The following ANTKMT variants were observed in gnomAD, a reference collection of about 807,000 sequenced individuals.
The protein encoded by ANTKMT is adenine nucleotide translocase lysine N-methyltransferase.
In ANTKMT, 24 loss-of-function variants were observed where a neutral mutation model predicts 20.7. The ratio of observed to expected loss-of-function variants is 1.16; its 90% CI spans 0.84 to 1.63. The LOEUF (loss-of-function observed/expected upper bound fraction) is 1.63. Among genes scored for constraint, ANTKMT ranks in the 40% most tolerant of loss-of-function variants. The pLI is 0.00. For missense variants in ANTKMT, 428 were observed against 334.8 expected (o/e 1.28, Z -2.17); for synonymous variants, 193 against 161.2 (o/e 1.20, Z -1.49).
Position 721,298 on chromosome 16 carries a change from G to C in ANTKMT, c.24G>C (p.Glu8Asp). 1.5e-6 allele frequency: 2 copies of C among 1,340,692 alleles called. No homozygotes were observed. Among genetic ancestry groups the C allele is most frequent in the Non-Finnish European group, 9.6e-7 (1 of 1,046,904 alleles). The allele number at this position is 1,340,692 out of a possible 1,614,324, so 83.0% of individuals were successfully genotyped here. A position where few individuals can be genotyped will look rare whatever the true frequency, so the allele number is the denominator to read the frequency against. Residue 8 changes from glutamate to aspartate, a missense_variant, in exon 1 of 5, where the codon GAG becomes GAC. Physicochemically the swap from Glu to Asp is conservative, Grantham distance 45. Coordinates refer to ENST00000569529, the MANE Select transcript of ANTKMT (RefSeq NM_023933.3). MEQDDPV[E>D]ALTELRERRL... ...CCATGGAGCAGGACGACCCGGTCGA[G>C]GCGCTGACGGAGCTGCGCGAGCGGC...
chr16:722,011 C>G, intron 3 of ANTKMT, 70 bp downstream of exon 3: 1 of 1,550,790 alleles, frequency 6.4e-7, no homozygotes, highest in Non-Finnish European at 8.7e-7. Context: ...GGCTGGGGGC[C>G]GGGACTCGGA....
In ANTKMT at chr16:722,295, G is replaced by A; in HGVS notation, c.460-14G>A. 6.2e-7 allele frequency: 1 copy of A among 1,605,808 alleles called. No homozygotes were observed. Among genetic ancestry groups the A allele is most frequent in the Non-Finnish European group, 8.5e-7 (1 of 1,176,948 alleles). ...CCGCCCCCGCCCCCTCTACTCTGCTGTTCTCTCCCTCAGCTCCCGCTGCTG... is the reference window on the plus strand; with the variant it reads ...CCGCCCCCGCCCCCTCTACTCTGCTATTCTCTCCCTCAGCTCCCGCTGCTG... On this transcript the variant is annotated splice_polypyrimidine_tract_variant and intron_variant, in intron 4 of 4. Coordinates refer to ENST00000569529, the MANE Select transcript of ANTKMT (RefSeq NM_023933.3).
At position 721,319 on chromosome 16, in the gene ANTKMT, G is replaced by T. The variant is rs2040220321; in HGVS notation, c.45G>T (p.Glu15Asp). The change falls in exon 1 of 5, where the codon GAG becomes GAT. Residue 15 changes from glutamate (E) to aspartate (D), a missense_variant. Transcript: ENST00000569529. ...DPVEALTELRERRLGALELLQ... is the reference protein window; with the variant it reads ...DPVEALTELRDRRLGALELLQ... ...TCGAGGCGCTGACGGAGCTGCGCGAGCGGCGGCTGGGCGCGCTGGAGCTGC... is the reference window on the plus strand; with the variant it reads ...TCGAGGCGCTGACGGAGCTGCGCGATCGGCGGCTGGGCGCGCTGGAGCTGC... 1 of 1,349,736 alleles carries T rather than the reference G, an allele frequency of 7.4e-7. No individual in the cohort carries two copies. The highest frequency in any genetic ancestry group is 9.5e-7 in the Non-Finnish European group (1 of 1,050,740). 83.6% of individuals were successfully genotyped at this position (1,349,736 alleles called of 1,614,324 possible).
rs1447802341 is a variant in ANTKMT, at chr16:721,414, G to A, written c.140G>A (p.Arg47Gln). 7.7e-6 allele frequency: 10 copies of A among 1,295,944 alleles called. No individual in the cohort carries two copies. Among genetic ancestry groups the A allele is most frequent in the African/African-American group, 1.6e-5 (1 of 64,238 alleles). 80.3% of individuals were successfully genotyped at this position (1,295,944 alleles called of 1,614,324 possible). A position where few individuals can be genotyped will look rare whatever the true frequency, so the allele number is the denominator to read the frequency against. Reference sequence around the variant, plus strand: ...GCGCTGCTGCTCCAGCCCGGCTTCCGGCGCGTGCCGCTGCGGCTGCAGGTG... The same window carrying A: ...GCGCTGCTGCTCCAGCCCGGCTTCCAGCGCGTGCCGCTGCGGCTGCAGGTG... ...VWALLLQPGF[R>Q]RVPLRLQVPY... is the part of the protein sequence containing the mutation. The change falls in exon 1 of 5, where the codon CGG becomes CAG. Residue 47 changes from arginine (R) to glutamine (Q), a missense_variant. Transcript: ENST00000569529.
In ANTKMT at chr16:721,882, C is replaced by G. The variant is rs775083357; in HGVS notation, c.349C>G (p.His117Asp). The part of the protein sequence containing the change: ...NPWLVALARL[H>D]AWRAGCAGSV... ...CTGGCTGGTGGCGCTGGCGCGGCTGCACGCCTGGAGGGCCGGCTGTGCCGG... is the reference window on the plus strand; with the variant it reads ...CTGGCTGGTGGCGCTGGCGCGGCTGGACGCCTGGAGGGCCGGCTGTGCCGG... Residue 117 changes from histidine to aspartate, a missense_variant, in exon 3 of 5, where the codon CAC (histidine) becomes GAC (aspartate). By Grantham distance (81) the His-to-Asp change is moderately conservative. Transcript: ENST00000569529. 2.0e-5 allele frequency: 31 copies of G among 1,570,132 alleles called. No homozygotes were observed. The South Asian group carries it at 3.3e-4, about 17-fold the overall frequency.
chr16:721,826 T>C lies in ANTKMT; in HGVS notation c.293T>C (p.Leu98Pro). The C allele has an allele frequency of 6.4e-7, 1 of 1,556,426 alleles. No individual in the cohort carries two copies. The highest frequency in any genetic ancestry group is 1.2e-5 in the South Asian group (1 of 85,218). The stretch of plus-strand genomic sequence containing the variant: ...GTGCTGGCGGCCCACAGGTGCGGCC[T>C]CCGCCCGGCCGTGGGCTACGAGCTG... Reference protein sequence around the residue: ...RIVLAAHRCGLRPAVGYELNP... With the variant: ...RIVLAAHRCGPRPAVGYELNP... The change falls in exon 3 of 5, where the codon CTC (leucine) becomes CCC (proline). Residue 98 changes from leucine (L) to proline (P), a missense_variant. Coordinates refer to ENST00000569529, the MANE Select transcript of ANTKMT (RefSeq NM_023933.3).
Position 722,120 on chromosome 16 carries a change from C to T in ANTKMT, c.445C>T (p.Leu149=). The T allele has an allele frequency of 6.2e-7, 1 of 1,609,202 alleles. No individual in the cohort carries two copies. The highest frequency in any genetic ancestry group is 8.5e-7 in the Non-Finnish European group (1 of 1,179,048). The change falls in exon 4 of 5, where the codon CTG becomes TTG. Residue 149 remains leucine (L), a synonymous_variant. Transcript: ENST00000569529. ...GGACTGCCGCAACGTGTCTGTGTTC[C>T]TGGCCCCTAGCGTGGTAGGTGCGGG... is the stretch of plus-strand genomic sequence containing the variant. ...LRDCRNVSVF[L]APSVLPLLED... is the part of the protein sequence containing the mutation.
chr16:721,596 A>G lies in ANTKMT; in HGVS notation c.163-2A>G, dbSNP rs2040231129. ...GTGGACTCTCGCCGCCACCCGGTCC[A>G]GGTGCCCTACGTCGGCGCGAGCGCG... On this transcript the variant is annotated splice_acceptor_variant, in intron 1 of 4. Transcript: ENST00000569529. LOFTEE classifies it high-confidence loss of function. 2 of 1,541,542 alleles carry G rather than the reference A, an allele frequency of 1.3e-6. No individual in the cohort carries two copies. The highest frequency in any genetic ancestry group is 5.0e-5 in the East Asian group (2 of 39,998).
At position 722,426 on chromosome 16, in the gene ANTKMT, C is replaced by G. The variant is rs770223082; in HGVS notation, c.577C>G (p.Arg193Gly). The change falls in exon 5 of 5, where the codon CGA (arginine) becomes GGA (glycine). Residue 193 changes from arginine (R) to glycine (G), a missense_variant. Coordinates refer to ENST00000569529, the MANE Select transcript of ANTKMT (RefSeq NM_023933.3). ...GACCGCGGTTGGCGAGGGCCTGGAC[C>G]GAGTATGGGCTTATGATGTTCCTGA... ...PVTAVGEGLDRVWAYDVPEGG... is the reference protein window; with the variant it reads ...PVTAVGEGLDGVWAYDVPEGG... 5 of 1,608,222 alleles carry G rather than the reference C, an allele frequency of 3.1e-6. No individual in the cohort carries two copies. The highest frequency in any genetic ancestry group is 1.3e-5 in the African/African-American group (1 of 74,822).
Position 722,432 on chromosome 16 carries a change from T to C in ANTKMT, c.583T>C (p.Trp195Arg). The change falls in exon 5 of 5, where the codon TGG becomes CGG. Residue 195 changes from tryptophan to arginine, a missense_variant. Trp to Arg is a moderately radical substitution (Grantham distance 101). Transcript: ENST00000569529. ...TAVGEGLDRV[W>R]AYDVPEGGQA... is the part of the protein sequence containing the mutation. ...GGTTGGCGAGGGCCTGGACCGAGTA[T>C]GGGCTTATGATGTTCCTGAGGGTGG... The C allele has an allele frequency of 6.2e-7, 1 of 1,609,806 alleles. No individual in the cohort carries two copies. The highest frequency in any genetic ancestry group is 8.5e-7 in the Non-Finnish European group (1 of 1,178,470).
Position 722,244 on chromosome 16 carries a change from G to T in ANTKMT, c.460-65G>T, listed in dbSNP as rs781055196. ...GGGTGCTAGGCTTGGGGCTAGGGGG[G>T]TGAGCGCGGCTGTTTTCTACCGGCC... On this transcript the variant is annotated intron_variant, in intron 4 of 4. Coordinates refer to ENST00000569529, the MANE Select transcript of ANTKMT (RefSeq NM_023933.3). 21 of 1,585,778 alleles carry T rather than the reference G, an allele frequency of 1.3e-5. No individual in the cohort carries two copies. The South Asian group carries it at 2.1e-4, about 16-fold the overall frequency.
In ANTKMT at chr16:722,553, G is replaced by A; in HGVS notation, c.704G>A (p.Ser235Asn). The change falls in exon 5 of 5, where the codon AGC (serine) becomes AAC (asparagine). Residue 235 changes from serine to asparagine, a missense_variant. Coordinates refer to ENST00000569529, the MANE Select transcript of ANTKMT (RefSeq NM_023933.3). ...CCGGGGGGCCTTATTTCTCAGGCCA[G>A]CTGAGTATTAGACACGATAAAGACT... ...PIPGGLISQAS is the reference protein window; with the variant it reads ...PIPGGLISQAN 4 of 1,605,488 alleles carry A rather than the reference G, an allele frequency of 2.5e-6. No individual in the cohort carries two copies. Among genetic ancestry groups the A allele is most frequent in the Non-Finnish European group, 3.4e-6 (4 of 1,177,632 alleles).
Position 721,208 on chromosome 16 carries a change from A to G in ANTKMT, c.-67A>G, listed in dbSNP as rs942897535. ...GAGGGCACACCGCCAGCCCCAGGCC[A>G]GGCTGCGAGGGCCGCGGACCCGAGC... On this transcript the variant is annotated 5_prime_UTR_variant, in exon 1 of 5. Transcript: ENST00000569529. 8.3e-7 allele frequency: 1 copy of G among 1,207,956 alleles called. No homozygotes were observed. The highest frequency in any genetic ancestry group is 1.0e-6 in the Non-Finnish European group (1 of 971,222). 74.8% of individuals were successfully genotyped at this position (1,207,956 alleles called of 1,614,324 possible). A position where few individuals can be genotyped will look rare whatever the true frequency, so the allele number is the denominator to read the frequency against.
Position 721,388 on chromosome 16 carries a change from G to A in ANTKMT, c.114G>A (p.Trp38Ter), listed in dbSNP as rs975997760. 5.4e-6 allele frequency: 7 copies of A among 1,305,278 alleles called. No individual in the cohort carries two copies. The African/African-American group carries it at 7.8e-5, about 14-fold the overall frequency. The allele number at this position is 1,305,278 out of a possible 1,614,324, so 80.9% of individuals were successfully genotyped here. A position where few individuals can be genotyped will look rare whatever the true frequency, so the allele number is the denominator to read the frequency against. ...AGSGLAAYAVWALLLQPGFRR... is the reference protein window; with the variant it reads ...AGSGLAAYAV ...CGGGCTTGGCAGCCTACGCGGTGTG[G>A]GCGCTGCTGCTCCAGCCCGGCTTCC... The change falls in exon 1 of 5, where the codon TGG (tryptophan) becomes TGA (stop). Residue 38 changes from tryptophan (W) to a stop codon, truncating the protein, a stop_gained. Transcript: ENST00000569529. LOFTEE classifies it high-confidence loss of function.
At position 721,694 on chromosome 16, in the gene ANTKMT, G is replaced by C; in HGVS notation, c.259G>C (p.Gly87Arg). ...GKTVDLGSGD[G>R]RIVLAAHRCG... The stretch of plus-strand genomic sequence containing the variant: ...AACGGTGGATCTGGGCTCTGGCGAC[G>C]GCAGGATCGTAAGTGCCTGCGTCTG... The change falls in exon 2 of 5, where the codon GGC (glycine) becomes CGC (arginine). Residue 87 changes from glycine (G) to arginine (R), a missense_variant. Coordinates refer to ENST00000569529, the MANE Select transcript of ANTKMT (RefSeq NM_023933.3). 1 of 1,549,610 alleles carries C rather than the reference G, an allele frequency of 6.5e-7. No individual in the cohort carries two copies.
Position 721,389 on chromosome 16 carries a change from G to T in ANTKMT, c.115G>T (p.Ala39Ser). 1 of 1,305,522 alleles carries T rather than the reference G, an allele frequency of 7.7e-7. No homozygotes were observed. Among genetic ancestry groups the T allele is most frequent in the African/African-American group, 1.5e-5 (1 of 64,532 alleles). 80.9% of individuals were successfully genotyped at this position (1,305,522 alleles called of 1,614,324 possible). ...GSGLAAYAVW[A>S]LLLQPGFRRV... ...GGGCTTGGCAGCCTACGCGGTGTGGGCGCTGCTGCTCCAGCCCGGCTTCCG... is the reference window on the plus strand; with the variant it reads ...GGGCTTGGCAGCCTACGCGGTGTGGTCGCTGCTGCTCCAGCCCGGCTTCCG... Residue 39 changes from alanine (A) to serine (S), a missense_variant, in exon 1 of 5, where the codon GCG (alanine) becomes TCG (serine). Physicochemically the swap from Ala to Ser is moderately conservative, Grantham distance 99. Transcript: ENST00000569529.
Position 721,620 on chromosome 16 carries a change from CG to C in ANTKMT, c.186del (p.Arg63GlyfsTer44). The C allele has an allele frequency of 6.5e-7, 1 of 1,545,128 alleles. No individual in the cohort carries two copies. The highest frequency in any genetic ancestry group is 8.7e-7 in the Non-Finnish European group (1 of 1,145,822). ...RLQVPYVGASARQVEHVLSLL... is the reference protein window; with the variant it reads ...RLQVPYVGASXRQVEHVLSLL... ...CAGGTGCCCTACGTCGGCGCGAGCGCGCGGCAGGTGGAGCACGTGTTGTCGC... is the reference window on the plus strand; with the variant it reads ...CAGGTGCCCTACGTCGGCGCGAGCGCCGGCAGGTGGAGCACGTGTTGTCGC... On this transcript the variant is annotated frameshift_variant, in exon 2 of 5. Transcript: ENST00000569529. LOFTEE classifies it high-confidence loss of function.
Position 721,324 on chromosome 16 carries a change from G to A in ANTKMT, c.50G>A (p.Arg17Gln), listed in dbSNP as rs959642142. ...VEALTELRER[R>Q]LGALELLQAA... ...GCGCTGACGGAGCTGCGCGAGCGGC[G>A]GCTGGGCGCGCTGGAGCTGCTGCAG... The change falls in exon 1 of 5, where the codon CGG becomes CAG. Residue 17 changes from arginine (R) to glutamine (Q), a missense_variant. Arg to Gln is a conservative substitution (Grantham distance 43). Transcript: ENST00000569529. The A allele has an allele frequency of 8.1e-6, 11 of 1,349,838 alleles. No homozygotes were observed. The highest frequency in any genetic ancestry group is 1.0e-5 in the Non-Finnish European group (11 of 1,050,658). 83.6% of individuals were successfully genotyped at this position (1,349,838 alleles called of 1,614,324 possible). A position where few individuals can be genotyped will look rare whatever the true frequency, so the allele number is the denominator to read the frequency against.
chr16:721,307 G>A lies in ANTKMT; in HGVS notation c.33G>A (p.Thr11=), dbSNP rs866432331. 1 of 1,345,038 alleles carries A rather than the reference G, an allele frequency of 7.4e-7. No homozygotes were observed. Among genetic ancestry groups the A allele is most frequent in the African/African-American group, 1.5e-5 (1 of 65,172 alleles). 83.3% of individuals were successfully genotyped at this position (1,345,038 alleles called of 1,614,324 possible). Residue 11 remains threonine (T), a synonymous_variant, in exon 1 of 5, where the codon ACG becomes ACA. Transcript: ENST00000569529. MEQDDPVEAL[T]ELRERRLGAL... ...AGGACGACCCGGTCGAGGCGCTGAC[G>A]GAGCTGCGCGAGCGGCGGCTGGGCG...
Sources: allele counts gnomAD v4.1 joint callset, GRCh38; gene constraint gnomAD v4.1.1; transcripts MANE v1.5; gene names NCBI Gene and HGNC (gene_info 2026-07-23, HGNC 2026-07-21).